Variants in ASAP1 observed in about 807,000 individuals in gnomAD.
ASAP1 encodes ArfGAP with SH3 domain, ankyrin repeat and PH domain 1.
ASAP1 carries 43 observed loss-of-function variants against 145.2 expected under a neutral mutation model. The ratio of observed to expected loss-of-function variants is 0.30; its 90% CI spans 0.23 to 0.38. ASAP1 has a LOEUF of 0.38. ASAP1 is among the 10% of genes least tolerant of loss of function. The pLI is 1.00. For synonymous variants in ASAP1, 546 were observed against 515.5 expected (o/e 1.06, Z -0.80); for missense variants, 1,018 against 1,355.3 (o/e 0.75, Z 3.91).
intron 25 of ASAP1, among the ~76,000 whole-genome samples, chr8:130,091,762 C>A (rs115737726): frequency 0.016 from 2,404 of 152,320 alleles, 35 homozygotes; most frequent in African/African-American, 0.041. Context: ...AAGTGCTCAG[C>A]ACCTTTTAGT....
At chr8:130,326,461 A>C (rs1824337682) in intron 3 of ASAP1, among the ~76,000 whole-genome samples, 1 of 152,184 alleles carries the variant, frequency 6.6e-6, no homozygotes, top group African/African-American at 2.4e-5. Context: ...ACCCCAAATA[A>C]AATACAGGTT....
rs1415003131 is a variant in ASAP1, at chr8:130,358,802, G to C, written c.60-659C>G. ...CCTGGGGCCTGGCTCCGAAGCTGCC[G>C]CTCCCGACCCCGGCTGCGCGGCACG... On this transcript the variant is annotated intron_variant, in intron 2 of 29. Coordinates refer to ENST00000518721, the MANE Select transcript of ASAP1 (RefSeq NM_018482.4). This position sits in a 1 kb window ranked among gnomAD's most constrained non-coding sequence, Gnocchi z 4.1. Among the ~76,000 whole-genome samples the C allele has an allele frequency of 2.7e-5, 4 of 148,398 alleles. No homozygotes were observed. Among genetic ancestry groups the C allele is most frequent in the African/African-American group, 7.4e-5 (3 of 40,374 alleles).
rs1436713048 is a variant in ASAP1 at position 130,077,906 on chromosome 8, AAG to A, written c.2643-1502_2643-1501del. 3.3e-5 allele frequency among the ~76,000 whole-genome samples: 5 copies of A among 152,216 alleles called. No homozygotes were observed. The East Asian group carries it at 7.7e-4, about 23-fold the overall frequency. On this transcript the variant is annotated intron_variant, in intron 26 of 29. Transcript: ENST00000518721. ...CATGAGAGGGCTTTGTTTCTCTTGA[AAG>A]AGACTCCATCTCAAAAGCAAACAAA... is the stretch of plus-strand genomic sequence containing the variant.
chr8:130,064,825 G>A, intron 27 of ASAP1, among the ~76,000 whole-genome samples: 1 of 151,952 alleles, frequency 6.6e-6, no homozygotes, highest in Non-Finnish European at 1.5e-5. Context: ...CTCTGGGTTT[G>A]ACTGATTTGC....
chr8:130,074,486 C>CACACACACACACACACAG (rs5895034), intron 27 of ASAP1, among the ~76,000 whole-genome samples: 1 of 140,484 alleles, frequency 7.1e-6, no homozygotes. Flanking sequence ...CACACACACA[C>CACACACACACACACACAG]AGAGAGAACG....
chr8:130,337,830 A>T (rs898746193), intron 3 of ASAP1, among the ~76,000 whole-genome samples: 1 of 152,260 alleles, frequency 6.6e-6, no homozygotes, highest in Non-Finnish European at 1.5e-5. Context: ...CAGACTTGGT[A>T]GCAAACTCCC....
chr8:130,207,646 T>G (rs975850056), intron 5 of ASAP1, among the ~76,000 whole-genome samples: 1 of 152,338 alleles, frequency 6.6e-6, no homozygotes, highest in South Asian at 2.1e-4. Context: ...CTGAGTATTT[T>G]AATACAGGCC....
chr8:130,223,182 T>A (rs1817395910), intron 4 of ASAP1, among the ~76,000 whole-genome samples: 2 of 152,082 alleles, frequency 1.3e-5, no homozygotes, highest in African/African-American at 4.8e-5. Flanking sequence ...TTGAGAACAC[T>A]CTCATAAATC....
chr8:130,396,687 C>T (rs1181122521), intron 2 of ASAP1, among the ~76,000 whole-genome samples: 4 of 152,214 alleles, frequency 2.6e-5, no homozygotes, highest in African/African-American at 7.2e-5. Flanking sequence ...ACACGTTTCC[C>T]GTCCATGTGC....
chr8:130,115,485 T>G, intron 23 of ASAP1, 143 bp downstream of exon 23: 1 of 680,240 alleles, frequency 1.5e-6, no homozygotes, highest in South Asian at 1.8e-5. Context: ...TGGTGCCCAA[T>G]AAGGACTGAA....
chr8:130,316,467 T>C (rs1459425519), intron 3 of ASAP1, among the ~76,000 whole-genome samples: 1 of 152,236 alleles, frequency 6.6e-6, no homozygotes, highest in African/African-American at 2.4e-5. Context: ...TCCTGGTTTT[T>C]ACCAGAATAT....
chr8:130,054,907 C>CTTACCCTTCTTCCCACCCTTT, intron 29 of ASAP1, 102 bp from the exon 30 acceptor site: 1 of 881,808 alleles, frequency 1.1e-6, no homozygotes, highest in Non-Finnish European at 1.9e-6. Context: ...ACAGACCTGG[C>CTTACCCTTCTTCCCACCCTTT]GGTGGAATCC....
At chr8:130,355,994 T>C (rs1055762559) in intron 3 of ASAP1, among the ~76,000 whole-genome samples, 1 of 152,218 alleles carries the variant, frequency 6.6e-6, no homozygotes, top group Non-Finnish European at 1.5e-5. Context: ...ACTGAACTTC[T>C]AGCCTGGTTC....
chr8:130,197,479 A>G (rs1396890155), intron 5 of ASAP1, among the ~76,000 whole-genome samples: 1 of 152,190 alleles, frequency 6.6e-6, no homozygotes, highest in African/African-American at 2.4e-5. Context: ...ACTGACACCA[A>G]TGAAGCTCCA....
intron 9 of ASAP1, among the ~76,000 whole-genome samples, chr8:130,173,317 G>C (rs1813710564): frequency 6.6e-6 from 1 of 152,178 alleles, no homozygotes; most frequent in Admixed American, 6.5e-5. Context: ...CTGTCCCTCT[G>C]AGCTTCATTC....
At chr8:130,234,499 C>T (rs1586651301) in intron 4 of ASAP1, among the ~76,000 whole-genome samples, 1 of 152,108 alleles carries the variant, frequency 6.6e-6, no homozygotes, top group African/African-American at 2.4e-5. Context: ...TGAACTCTCA[C>T]CTCTTTACAT....
At chr8:130,277,842 C>A (rs1012032103) in intron 3 of ASAP1, among the ~76,000 whole-genome samples, 1 of 152,154 alleles carries the variant, frequency 6.6e-6, no homozygotes, top group African/African-American at 2.4e-5. Flanking sequence ...CGTTTGTGGG[C>A]CCATCACATG....
At position 130,059,188 on chromosome 8, in the gene ASAP1, G is replaced by A. The variant is rs577131460; in HGVS notation, c.3193-1112C>T. On this transcript the variant is annotated intron_variant, in intron 28 of 29. Transcript: ENST00000518721. Reference sequence around the variant, plus strand: ...TTTAAATTTTTTTTTTTTTTGAGACGGGGTTTCACTCTGTTGCCCAGGCTA... The same window carrying A: ...TTTAAATTTTTTTTTTTTTTGAGACAGGGTTTCACTCTGTTGCCCAGGCTA... Among the ~76,000 whole-genome samples, 4 of 150,012 alleles carry A rather than the reference G, an allele frequency of 2.7e-5. No homozygotes were observed. In the East Asian group the frequency reaches 5.9e-4, roughly 22 times the overall value.
At chr8:130,410,922 G>A (rs1043938830) in intron 1 of ASAP1, among the ~76,000 whole-genome samples, 6 of 152,118 alleles carry the variant, frequency 3.9e-5, no homozygotes, top group Non-Finnish European at 8.8e-5. Flanking sequence ...GTGCAGTGAC[G>A]TAATCTCCGC....
Sources: allele counts gnomAD v4.1 joint callset (sites outside exome capture counted in the v4.1 genomes callset), GRCh38; gene constraint gnomAD v4.1.1; non-coding constraint Gnocchi (gnomAD v3.1); transcripts MANE v1.5; gene names NCBI Gene and HGNC (gene_info 2026-07-23, HGNC 2026-07-21).